The following DPF3 variants were observed in gnomAD, a reference collection of about 807,000 sequenced individuals.
DPF3 encodes the protein zinc finger protein DPF3.
Under a neutral mutation model 56.8 loss-of-function variants are expected in DPF3, and 18 were observed. The ratio of observed to expected loss-of-function variants is 0.32; its 90% CI spans 0.22 to 0.47. The LOEUF is 0.47. Ranked by LOEUF, DPF3 falls within the 20% of genes least tolerant of loss-of-function variation. The probability of loss-of-function intolerance (pLI) is 1.00; values close to 1 mark genes in which losing one functional copy is unlikely to be tolerated. For synonymous variants in DPF3, 188 were observed against 180.2 expected (o/e 1.04, Z -0.35); for missense variants, 403 against 488.8 (o/e 0.82, Z 1.65).
chr14:72,716,695 A>C (rs1019609604), intron 5 of DPF3, among the ~76,000 whole-genome samples: 5 of 152,212 alleles, frequency 3.3e-5, no homozygotes, highest in South Asian at 2.1e-4. Context: ...CCACATAAGA[A>C]GCACTTAATA....
chr14:72,686,976 AAC>A (rs2153572276), intron 7 of DPF3, among the ~76,000 whole-genome samples: 1 of 152,366 alleles, frequency 6.6e-6, no homozygotes, highest in East Asian at 1.9e-4. Context: ...TCAGAAGACT[AAC>A]ATCTGTTAGA....
At chr14:72,849,585 G>T (rs1422105241) in intron 1 of DPF3, among the ~76,000 whole-genome samples, 4 of 152,120 alleles carry the variant, frequency 2.6e-5, no homozygotes, top group African/African-American at 9.7e-5. Context: ...CCTGGTAATG[G>T]TGTGGTCCAC....
chr14:72,747,431 C>T (rs2139889518), intron 3 of DPF3, among the ~76,000 whole-genome samples: 1 of 152,130 alleles, frequency 6.6e-6, no homozygotes, highest in East Asian at 1.9e-4. Context: ...GTGGTATGTG[C>T]TGAGACTGGA....
At chr14:72,625,242 A>C (rs1884755537) in intron 9 of DPF3, among the ~76,000 whole-genome samples, 1 of 152,140 alleles carries the variant, frequency 6.6e-6, no homozygotes, top group South Asian at 2.1e-4. Flanking sequence ...TTCTGCTCTA[A>C]GGAAGAGCTT....
intron 1 of DPF3, among the ~76,000 whole-genome samples, chr14:72,786,699 GC>G (rs1892224906): frequency 6.6e-6 from 1 of 152,178 alleles, no homozygotes; most frequent in Admixed American, 6.5e-5. Context: ...GAGTCACACA[GC>G]TTAAGCAGAT....
intron 4 of DPF3, among the ~76,000 whole-genome samples, chr14:72,727,262 C>T (rs999818454): frequency 2.0e-5 from 3 of 152,224 alleles, no homozygotes; most frequent in African/African-American, 7.2e-5. Context: ...TGACTCTTCT[C>T]ATCCCATAGG....
At chr14:72,710,615 G>A (rs1203586231) in intron 6 of DPF3, among the ~76,000 whole-genome samples, 6 of 152,230 alleles carry the variant, frequency 3.9e-5, no homozygotes, top group Non-Finnish European at 7.3e-5. Context: ...TTCTGATACC[G>A]GAGGTCTGAT....
intron 6 of DPF3, among the ~76,000 whole-genome samples, chr14:72,701,872 G>A (rs1194151171): frequency 6.6e-6 from 1 of 152,096 alleles, no homozygotes; most frequent in Admixed American, 6.5e-5. Context: ...ATACAACCCT[G>A]AGGACACCGC....
intron 1 of DPF3, among the ~76,000 whole-genome samples, chr14:72,821,314 G>A (rs534467344): frequency 2.0e-5 from 3 of 152,056 alleles, no homozygotes; most frequent in Admixed American, 6.6e-5. Context: ...TGGCCATGGC[G>A]GCTCAGTCCT....
chr14:72,799,528 C>T (rs911104331), intron 1 of DPF3, among the ~76,000 whole-genome samples: 3 of 152,118 alleles, frequency 2.0e-5, no homozygotes, highest in Non-Finnish European at 4.4e-5. Context: ...TGGTGATGCA[C>T]ACCTGTAGTC....
At chr14:72,671,266 C>T in intron 8 of DPF3, 1 of 1,613,984 alleles carries the variant, frequency 6.2e-7, no homozygotes, top group South Asian at 1.1e-5. Flanking sequence ...TGACGTGGAA[C>T]CGAATAAGTC....
intron 9 of DPF3, 26 bp downstream of exon 9, chr14:72,629,598 T>C (rs1371450944): frequency 2.6e-6 from 4 of 1,523,242 alleles, no homozygotes; most frequent in Non-Finnish European, 3.5e-6. Flanking sequence ...GATTTCTCCC[T>C]CCCACAGGGA....
intron 1 of DPF3, among the ~76,000 whole-genome samples, chr14:72,867,373 G>A (rs985400381): frequency 2.0e-5 from 3 of 152,112 alleles, no homozygotes; most frequent in Non-Finnish European, 2.9e-5. Context: ...CTGGTGTCAC[G>A]TCTAGATAGT....
At chr14:72,642,860 C>G (rs182772330) in intron 8 of DPF3, among the ~76,000 whole-genome samples, 98 of 152,334 alleles carry the variant, frequency 6.4e-4, no homozygotes, top group African/African-American at 2.2e-3. Flanking sequence ...AGAGGAAGAA[C>G]CTGCAGCTAG....
chr14:72,869,912 A>G (rs1308228238), intron 1 of DPF3, among the ~76,000 whole-genome samples: 4 of 152,026 alleles, frequency 2.6e-5, no homozygotes, highest in African/African-American at 9.7e-5. Context: ...GGGTAGGGTG[A>G]GCAGGAAGAT....
chr14:72,707,004 A>G (rs1048777130), intron 6 of DPF3, among the ~76,000 whole-genome samples: 1 of 151,964 alleles, frequency 6.6e-6, no homozygotes, highest in East Asian at 1.9e-4. Context: ...AGTCCCCAGA[A>G]TGTGATGTTC....
intron 8 of DPF3, among the ~76,000 whole-genome samples, chr14:72,654,998 G>T (rs1258647660): frequency 6.6e-6 from 1 of 152,150 alleles, no homozygotes; most frequent in African/African-American, 2.4e-5. Flanking sequence ...CAAACTGCCA[G>T]TCTCTCTGTA....
chr14:72,862,457 C>A (rs1885477190), intron 1 of DPF3, among the ~76,000 whole-genome samples: 1 of 152,114 alleles, frequency 6.6e-6, no homozygotes, highest in South Asian at 2.1e-4. Flanking sequence ...TACTCAGAAT[C>A]AGCTACCTCT....
At chr14:72,857,787 C>T (rs1438059170) in intron 1 of DPF3, among the ~76,000 whole-genome samples, 1 of 152,092 alleles carries the variant, frequency 6.6e-6, no homozygotes, top group East Asian at 1.9e-4. Context: ...CGGCGTTTCA[C>T]CATGTTGGCC....
Sources: allele counts gnomAD v4.1 joint callset (sites outside exome capture counted in the v4.1 genomes callset), GRCh38; gene constraint gnomAD v4.1.1; transcripts MANE v1.5; gene names NCBI Gene and HGNC (gene_info 2026-07-23, HGNC 2026-07-21).